AKAP13: variants seen among roughly 807,000 people sequenced by gnomAD.
The protein encoded by AKAP13 is A-kinase anchor protein 13.
A neutral mutation model predicts 264.5 loss-of-function variants in AKAP13; 80 were observed. The ratio of observed to expected loss-of-function variants is 0.30; its 90% CI spans 0.25 to 0.36. The LOEUF (loss-of-function observed/expected upper bound fraction) is 0.36, where lower values mean the gene tolerates loss of function less well. AKAP13 is among the 10% of genes least tolerant of loss of function. AKAP13 has a pLI of 1.00. For missense variants in AKAP13, 3,712 were observed against 3,435.2 expected (o/e 1.08, Z -2.01); for synonymous variants, 1,380 against 1,250.2 (o/e 1.10, Z -2.19).
intron 1 of AKAP13, among the ~76,000 whole-genome samples, chr15:85,420,675 A>G (rs17552846): frequency 0.25 from 38,540 of 152,082 alleles, 6,456 homozygotes; most frequent in Non-Finnish European, 0.37. Flanking sequence ...GAAGGAGGTC[A>G]AGAGCTAGCT....
intron 1 of AKAP13, among the ~76,000 whole-genome samples, chr15:85,385,083 T>C (rs7497613): frequency 0.52 from 78,514 of 152,034 alleles, 20,745 homozygotes; most frequent in Admixed American, 0.59. Flanking sequence ...ACTTTGGTGC[T>C]ATAGTAGCAG....
chr15:85,541,518 A>T (rs376282029), intron 4 of AKAP13, among the ~76,000 whole-genome samples: 18 of 152,196 alleles, frequency 1.2e-4, no homozygotes, highest in African/African-American at 3.9e-4. Flanking sequence ...TGCTTGTATG[A>T]TTGCTTGTTT....
At chr15:85,616,387 A>T (rs1009922637) in intron 8 of AKAP13, among the ~76,000 whole-genome samples, 4 of 152,198 alleles carry the variant, frequency 2.6e-5, no homozygotes, top group Admixed American at 2.6e-4. Flanking sequence ...CTAAATTAAG[A>T]TGTATAAAAT....
intron 11 of AKAP13, 136 bp from the exon 12 acceptor site, chr15:85,658,401 A>G (rs1025538533): frequency 6.5e-6 from 4 of 620,118 alleles, no homozygotes; most frequent in Admixed American, 5.2e-5. Context: ...CTCATTCCAC[A>G]TTCCTTCATT....
chr15:85,560,656 C>T (rs1027170509), intron 5 of AKAP13, among the ~76,000 whole-genome samples: 2 of 113,114 alleles, frequency 1.8e-5, no homozygotes, highest in African/African-American at 6.4e-5. Context: ...TTTTTGAGGC[C>T]CTCTTTTATT....
intron 2 of AKAP13, among the ~76,000 whole-genome samples, chr15:85,495,665 A>G (rs1256044478): frequency 6.6e-6 from 1 of 152,210 alleles, no homozygotes; most frequent in African/African-American, 2.4e-5. Flanking sequence ...ATGGGATAAT[A>G]ATCATTACCT....
intron 2 of AKAP13, among the ~76,000 whole-genome samples, chr15:85,489,270 A>G (rs1053364014): frequency 6.6e-6 from 1 of 152,248 alleles, no homozygotes; most frequent in Non-Finnish European, 1.5e-5. Flanking sequence ...TCTGAGTAAC[A>G]TAGTTAATAC....
chr15:85,729,968 A>C (rs1216185233), intron 29 of AKAP13, among the ~76,000 whole-genome samples: 1 of 152,050 alleles, frequency 6.6e-6, no homozygotes, highest in Admixed American at 6.6e-5. Flanking sequence ...ACAAAAACAA[A>C]AAAAAAAGAA....
chr15:85,518,687 G>T (rs1362836348), intron 2 of AKAP13, among the ~76,000 whole-genome samples: 2 of 152,130 alleles, frequency 1.3e-5, no homozygotes, highest in African/African-American at 4.8e-5. Context: ...TAAAAAGCCA[G>T]AAGTGGTGGC....
intron 1 of AKAP13, among the ~76,000 whole-genome samples, chr15:85,477,192 A>G (rs1238168390): frequency 1.3e-5 from 2 of 152,014 alleles, no homozygotes; most frequent in African/African-American, 2.4e-5. Context: ...AGGGTGCTAC[A>G]GAATGAAAAT....
Position 85,741,071 on chromosome 15 carries a change from A to G in AKAP13, c.7634A>G (p.Tyr2545Cys). ...GGTGTGGTGCTGCAGCAGGACAGCT[A>G]CATTGAGGACCAGAAACTGGTGCTG... ...LQGVVLQQDS[Y>C]IEDQKLVLSE... The change falls in exon 35 of 37, where the codon TAC (tyrosine) becomes TGC (cysteine). Residue 2545 changes from tyrosine (Y) to cysteine (C), a missense_variant. Physicochemically the swap from Tyr to Cys is radical, Grantham distance 194. This residue lies in a region of AKAP13 where 611 missense variants were observed against 539.3 expected (regional missense o/e 1.13). Coordinates refer to ENST00000394518, the MANE Select transcript of AKAP13 (RefSeq NM_007200.5). The G allele has an allele frequency of 6.2e-7, 1 of 1,612,650 alleles. No homozygotes were observed. Among genetic ancestry groups the G allele is most frequent in the South Asian group, 1.1e-5 (1 of 90,894 alleles).
chr15:85,617,966 C>G (rs1265221518), intron 8 of AKAP13, among the ~76,000 whole-genome samples: 2 of 152,154 alleles, frequency 1.3e-5, no homozygotes, highest in Non-Finnish European at 1.5e-5. Flanking sequence ...TAATGAAAAG[C>G]AACATCTGTT....
intron 9 of AKAP13, among the ~76,000 whole-genome samples, chr15:85,640,084 A>G (rs1596843976): frequency 6.6e-6 from 1 of 152,184 alleles, no homozygotes; most frequent in Non-Finnish European, 1.5e-5. Context: ...TAGGATTCCC[A>G]ACTTTTAAAC....
At chr15:85,471,778 A>G (rs1283969904) in intron 1 of AKAP13, among the ~76,000 whole-genome samples, 3 of 152,244 alleles carry the variant, frequency 2.0e-5, no homozygotes, top group African/African-American at 7.2e-5. Context: ...AATAGGTAAT[A>G]TAAGTCTTTG....
At chr15:85,631,502 TCACA>T (rs55928032) in intron 8 of AKAP13, among the ~76,000 whole-genome samples, 3,288 of 140,604 alleles carry the variant, frequency 0.023, 51 homozygotes, top group Middle Eastern at 0.032. Flanking sequence ...TCTCTCTCTC[TCACA>T]CACACACACA....
intron 7 of AKAP13, among the ~76,000 whole-genome samples, chr15:85,585,323 G>A (rs1217216231): frequency 6.6e-6 from 1 of 151,996 alleles, no homozygotes; most frequent in Admixed American, 6.5e-5. Context: ...TTTGATGATG[G>A]CCAAGATGGA....
chr15:85,682,729 G>A (rs1187188888), intron 15 of AKAP13, among the ~76,000 whole-genome samples: 2 of 151,842 alleles, frequency 1.3e-5, no homozygotes, highest in East Asian at 1.9e-4. Context: ...GTGCAATGGC[G>A]CGATCTTGGC....
chr15:85,527,593 A>C (rs1169546277), intron 3 of AKAP13, among the ~76,000 whole-genome samples: 1 of 152,228 alleles, frequency 6.6e-6, no homozygotes, highest in Non-Finnish European at 1.5e-5. Context: ...TTTTAGCATT[A>C]AATCTCTCCT....
chr15:85,562,884 T>G (rs1435631332), intron 5 of AKAP13, among the ~76,000 whole-genome samples: 1 of 125,562 alleles, frequency 8.0e-6, no homozygotes, highest in Non-Finnish European at 1.7e-5. Context: ...TTTTTTTTTT[T>G]TGTATTTTTA....
Sources: gnomAD v4.1 joint callset for allele counts (sites outside exome capture counted in the v4.1 genomes callset) on GRCh38, gnomAD v4.1.1 for gene constraint, gnomAD v4.1.1 regional missense constraint, MANE v1.5 for transcripts, NCBI Gene and HGNC (gene_info 2026-07-23, HGNC 2026-07-21) for gene names.